Variants in ADAMTS9 observed in about 807,000 individuals in gnomAD.
The protein encoded by ADAMTS9 is ADAM metallopeptidase with thrombospondin type 1 motif 9, also known as A disintegrin and metalloproteinase with thrombospondin motifs 9.
Under a neutral mutation model 257.1 loss-of-function variants are expected in ADAMTS9, and 107 were observed. The observed-to-expected ratio is 0.42, with a 90% CI of 0.36 to 0.49. The LOEUF (loss-of-function observed/expected upper bound fraction) is 0.49. Ranked by LOEUF, ADAMTS9 falls within the 20% of genes least tolerant of loss-of-function variation. The pLI is 0.03. For synonymous variants in ADAMTS9, 982 were observed against 880.9 expected (o/e 1.11, Z -2.03); for missense variants, 2,353 against 2,469.1 (o/e 0.95, Z 1.00).
At chr3:64,603,797 T>G in intron 25 of ADAMTS9, 125 bp downstream of exon 25, 1 of 1,133,326 alleles carries the variant, frequency 8.8e-7, no homozygotes, top group Non-Finnish European at 1.3e-6. Flanking sequence ...ATTTAAATCA[T>G]AAGACAAATC....
intron 27 of ADAMTS9, among the ~76,000 whole-genome samples, chr3:64,596,163 A>G (rs1310517756): frequency 6.6e-6 from 1 of 152,190 alleles, no homozygotes; most frequent in African/African-American, 2.4e-5. Context: ...TTATTTACAG[A>G]TGAGGATATA....
At chr3:64,631,376 G>T (rs1700363584) in intron 16 of ADAMTS9, 79 bp downstream of exon 16, 2 of 1,147,082 alleles carry the variant, frequency 1.7e-6, no homozygotes, top group Non-Finnish European at 2.6e-6. Context: ...GCCTCTGCAT[G>T]CCAGAGAAGG....
chr3:64,615,929 A>G (rs1312770651), intron 20 of ADAMTS9, 31 bp downstream of exon 20: 1 of 1,611,568 alleles, frequency 6.2e-7, no homozygotes, highest in East Asian at 2.2e-5. Flanking sequence ...GACAGCATCC[A>G]AGAAGACTCT....
At chr3:64,657,759 G>C (rs907922359) in intron 4 of ADAMTS9, among the ~76,000 whole-genome samples, 22 of 152,068 alleles carry the variant, frequency 1.4e-4, no homozygotes, top group Admixed American at 1.2e-3. Flanking sequence ...ATTGGGCAGT[G>C]CTTGTTAGAA....
chr3:64,525,327 C>A (rs1322184927), intron 38 of ADAMTS9, among the ~76,000 whole-genome samples: 2 of 152,158 alleles, frequency 1.3e-5, no homozygotes, highest in African/African-American at 4.8e-5. Context: ...GCCTCATATT[C>A]CATTTTGTAT....
chr3:64,543,138 A>T (rs2083148922), intron 32 of ADAMTS9, among the ~76,000 whole-genome samples: 1 of 152,156 alleles, frequency 6.6e-6, no homozygotes, highest in Non-Finnish European at 1.5e-5. Context: ...CCTACCAACC[A>T]AAAAAAGTCC....
Position 64,568,361 on chromosome 3 carries a change from T to A in ADAMTS9, c.4524+7A>T. 3 of 1,607,326 alleles carry A rather than the reference T, an allele frequency of 1.9e-6. No homozygotes were observed. The highest frequency in any genetic ancestry group is 2.5e-6 in the Non-Finnish European group (3 of 1,177,882). On this transcript the variant is annotated splice_region_variant and intron_variant, in intron 29 of 39. Coordinates refer to ENST00000498707, the MANE Select transcript of ADAMTS9 (RefSeq NM_182920.2). ...GAAGCAGTCAGTAGAGGAGAAGCAT[T>A]GCTCACCTGACTCCAAGCGCCAGCT...
At chr3:64,564,482 C>A (rs2083490252) in intron 29 of ADAMTS9, among the ~76,000 whole-genome samples, 1 of 152,262 alleles carries the variant, frequency 6.6e-6, no homozygotes. Context: ...TATAAACCAA[C>A]TTTTATAAGT....
chr3:64,594,537 C>T, intron 27 of ADAMTS9, 103 bp from the exon 28 acceptor site: 1 of 1,411,754 alleles, frequency 7.1e-7, no homozygotes, highest in South Asian at 1.3e-5. Flanking sequence ...TGGCATTGGG[C>T]AAGGTAAGCC....
chr3:64,636,073 G>A (rs1272065546), intron 12 of ADAMTS9, among the ~76,000 whole-genome samples: 1 of 117,856 alleles, frequency 8.5e-6, no homozygotes, highest in Non-Finnish European at 1.7e-5. Context: ...TGAACATAAA[G>A]TTTTTTAAAT....
intron 28 of ADAMTS9, chr3:64,587,526 T>C (rs1327535227): frequency 1.3e-5 from 2 of 152,128 alleles, no homozygotes; most frequent in East Asian, 1.9e-4. Context: ...ATTAACCACA[T>C]GTGACTAGTG....
chr3:64,655,806 T>C lies in ADAMTS9; in HGVS notation c.1039A>G (p.Ile347Val). 2 of 1,572,798 alleles carry C rather than the reference T, an allele frequency of 1.3e-6. No individual in the cohort carries two copies. The highest frequency in any genetic ancestry group is 8.6e-7 in the Non-Finnish European group (1 of 1,162,070). ...INIVIVNLIV[I>V]HNEQDGPSIS... ...AACTTTATTACCTGTTCATTATGAA[T>C]CACAATTAAGTTCACAATAACAATA... The change falls in exon 5 of 40, where the codon ATT (isoleucine) becomes GTT (valine). Residue 347 changes from isoleucine (I) to valine (V), a missense_variant. Ile to Val is a conservative substitution (Grantham distance 29). Coordinates refer to ENST00000498707, the MANE Select transcript of ADAMTS9 (RefSeq NM_182920.2).
intron 18 of ADAMTS9, 112 bp downstream of exon 18, chr3:64,622,086 C>T (rs529822278): frequency 1.2e-5 from 14 of 1,120,138 alleles, no homozygotes; most frequent in African/African-American, 9.5e-5. Flanking sequence ...GATTAGAGAA[C>T]GTATGCAGAT....
At chr3:64,682,632 C>T (rs1160560930) in intron 2 of ADAMTS9, among the ~76,000 whole-genome samples, 1 of 152,226 alleles carries the variant, frequency 6.6e-6, no homozygotes, top group Non-Finnish European at 1.5e-5. Context: ...TTGCATCCTT[C>T]CATTGACACA....
intron 28 of ADAMTS9, among the ~76,000 whole-genome samples, chr3:64,571,364 A>T (rs1039109862): frequency 2.0e-5 from 3 of 152,222 alleles, no homozygotes; most frequent in African/African-American, 7.2e-5. Context: ...TTCCCACATG[A>T]CTTCAACACA....
In ADAMTS9 at chr3:64,681,866, TC is replaced by T. The variant is rs146971201; in HGVS notation, c.517-504del. Reference sequence around the variant, plus strand: ...TCCAAATCTGTCTCTAAGAAATACTTCCTTAGAGCTCAAGTTCCAATCATTC... The same window carrying T: ...TCCAAATCTGTCTCTAAGAAATACTTCTTAGAGCTCAAGTTCCAATCATTC... On this transcript the variant is annotated intron_variant, in intron 2 of 39. Coordinates refer to ENST00000498707, the MANE Select transcript of ADAMTS9 (RefSeq NM_182920.2). 1.8e-3 allele frequency among the ~76,000 whole-genome samples: 279 copies of T among 152,296 alleles called. 1 individual carries two copies. Among genetic ancestry groups the T allele is most frequent in the Middle Eastern group, 6.8e-3 (2 of 294 alleles).
chr3:64,677,171 G>A (rs1701641744), intron 3 of ADAMTS9, among the ~76,000 whole-genome samples: 2 of 152,140 alleles, frequency 1.3e-5, no homozygotes, highest in Non-Finnish European at 2.9e-5. Context: ...CAGGCAGTGA[G>A]CACAGTGAAT....
rs759179246 is a variant in ADAMTS9 at position 64,658,803 on chromosome 3, C to G, written c.680-12G>C. The G allele has an allele frequency of 6.2e-7, 1 of 1,607,516 alleles. No individual in the cohort carries two copies. Among genetic ancestry groups the G allele is most frequent in the South Asian group, 1.1e-5 (1 of 89,924 alleles). On this transcript the variant is annotated splice_polypyrimidine_tract_variant and intron_variant, in intron 3 of 39. Transcript: ENST00000498707. ...CCTATTTTTGTGTTCTGTAACAAATCAGATGGTATGCATTACATTTCAAGC... is the reference window on the plus strand; with the variant it reads ...CCTATTTTTGTGTTCTGTAACAAATGAGATGGTATGCATTACATTTCAAGC...
At chr3:64,534,281 A>G (rs1430130798) in intron 37 of ADAMTS9, among the ~76,000 whole-genome samples, 2 of 152,212 alleles carry the variant, frequency 1.3e-5, no homozygotes, top group African/African-American at 4.8e-5. Flanking sequence ...ACCTCAGTTT[A>G]TTCATCTGTA....
Sources: allele counts gnomAD v4.1 joint callset (sites outside exome capture counted in the v4.1 genomes callset), GRCh38; gene constraint gnomAD v4.1.1; transcripts MANE v1.5; gene names NCBI Gene and HGNC (gene_info 2026-07-23, HGNC 2026-07-21).